Variants in PTPRG observed in about 807,000 individuals in gnomAD.
PTPRG encodes the protein receptor-type tyrosine-protein phosphatase gamma.
PTPRG carries 102 observed loss-of-function variants against 165.3 expected under a neutral mutation model. The observed-to-expected ratio is 0.62, with a 90% confidence interval of 0.53 to 0.73. The LOEUF is 0.73. PTPRG is among the 30% of genes least tolerant of loss of function. The pLI is 0.00. For synonymous variants in PTPRG, 675 were observed against 669.5 expected (o/e 1.01, Z -0.13); for missense variants, 1,866 against 1,861.4 (o/e 1.00, Z -0.05).
chr3:62,186,334 C>T (rs1015906591), intron 8 of PTPRG, among the ~76,000 whole-genome samples: 4 of 152,158 alleles, frequency 2.6e-5, no homozygotes, highest in Admixed American at 1.3e-4. Flanking sequence ...TCCCTCATTC[C>T]GTCAGAGAAA....
chr3:62,033,723 A>T lies in PTPRG; in HGVS notation c.519+30226A>T, dbSNP rs536137219. On this transcript the variant is annotated intron_variant, in intron 4 of 29. Coordinates refer to ENST00000474889, the MANE Select transcript of PTPRG (RefSeq NM_002841.4). ...AGAGGGAGAGAGTTTAGTAACAACT[A>T]CCATGACTACTCTTTTGAGGTTTCC... 4.6e-4 allele frequency among the ~76,000 whole-genome samples: 70 copies of T among 152,106 alleles called. 1 individual carries two copies. Among genetic ancestry groups the T allele is most frequent in the African/African-American group, 1.6e-3 (65 of 41,514 alleles).
At chr3:61,647,408 T>C (rs1702228062) in intron 1 of PTPRG, among the ~76,000 whole-genome samples, 1 of 152,224 alleles carries the variant, frequency 6.6e-6, no homozygotes, top group Admixed American at 6.5e-5. Context: ...ATACCATTGT[T>C]TCTCTAAAGA....
intron 5 of PTPRG, among the ~76,000 whole-genome samples, chr3:62,120,413 G>A (rs1254481926): frequency 6.6e-6 from 1 of 152,192 alleles, no homozygotes; most frequent in Non-Finnish European, 1.5e-5. Flanking sequence ...CTAGGTTTGG[G>A]GATTTAGTCT....
intron 6 of PTPRG, among the ~76,000 whole-genome samples, chr3:62,134,043 C>T (rs970928197): frequency 1.3e-5 from 2 of 152,104 alleles, no homozygotes; most frequent in Non-Finnish European, 2.9e-5. Context: ...TGGAAGGGTA[C>T]TAGCCCCATT....
intron 1 of PTPRG, among the ~76,000 whole-genome samples, chr3:61,601,984 C>T (rs1700881885): frequency 6.6e-6 from 1 of 152,198 alleles, no homozygotes; most frequent in African/African-American, 2.4e-5. Context: ...TTGCTGTCAA[C>T]CTTCAGCCAA....
chr3:61,756,217 T>C (rs758823722), intron 2 of PTPRG, among the ~76,000 whole-genome samples: 2 of 152,244 alleles, frequency 1.3e-5, no homozygotes, highest in Non-Finnish European at 2.9e-5. Context: ...TTAGAGTTCA[T>C]GCTCTTTGAA....
At chr3:61,934,250 C>A (rs1015465528) in intron 2 of PTPRG, among the ~76,000 whole-genome samples, 3 of 152,188 alleles carry the variant, frequency 2.0e-5, no homozygotes, top group African/African-American at 7.2e-5. Flanking sequence ...ACTGACACTG[C>A]ATATTCTGGT....
intron 1 of PTPRG, among the ~76,000 whole-genome samples, chr3:61,657,030 A>G (rs1330544175): frequency 6.6e-6 from 1 of 152,218 alleles, no homozygotes; most frequent in African/African-American, 2.4e-5. Context: ...AAGCATATTT[A>G]TTGAATATCA....
At chr3:61,581,858 C>A (rs56696131) in intron 1 of PTPRG, among the ~76,000 whole-genome samples, 2,085 of 152,280 alleles carry the variant, frequency 0.014, 48 homozygotes, top group African/African-American at 0.048. Context: ...GATCTGCTCA[C>A]CTCAGCCTCC....
intron 1 of PTPRG, among the ~76,000 whole-genome samples, chr3:61,638,112 G>A (rs1415451672): frequency 1.3e-5 from 2 of 152,112 alleles, no homozygotes; most frequent in Non-Finnish European, 2.9e-5. Context: ...TTTCCAAATC[G>A]TGGTACAAAG....
intron 2 of PTPRG, among the ~76,000 whole-genome samples, chr3:61,820,075 C>G (rs1286944990): frequency 6.6e-6 from 1 of 152,056 alleles, no homozygotes; most frequent in East Asian, 1.9e-4. Flanking sequence ...TGTTGAATCA[C>G]TCATTTGAAA....
intron 1 of PTPRG, among the ~76,000 whole-genome samples, chr3:61,710,027 G>A (rs537225428): frequency 2.0e-5 from 3 of 152,256 alleles, no homozygotes; most frequent in East Asian, 1.9e-4. Context: ...CAGTACTTCC[G>A]GGTGTTTGCC....
At chr3:62,078,812 T>C (rs994270257) in intron 5 of PTPRG, among the ~76,000 whole-genome samples, 1 of 152,220 alleles carries the variant, frequency 6.6e-6, no homozygotes, top group African/African-American at 2.4e-5. Context: ...TCAGTGTTGA[T>C]TCTGCACCTA....
At chr3:61,844,962 G>A (rs1439384991) in intron 2 of PTPRG, among the ~76,000 whole-genome samples, 2 of 152,180 alleles carry the variant, frequency 1.3e-5, no homozygotes, top group Non-Finnish European at 2.9e-5. Flanking sequence ...CTAGGGCAAG[G>A]CTATATCTGC....
chr3:61,622,682 C>T (rs1701497251), intron 1 of PTPRG, among the ~76,000 whole-genome samples: 1 of 152,056 alleles, frequency 6.6e-6, no homozygotes, highest in Non-Finnish European at 1.5e-5. Flanking sequence ...TAAAACTTTT[C>T]GTGTCTTTTG....
At chr3:62,159,190 C>T (rs775037082) in intron 7 of PTPRG, among the ~76,000 whole-genome samples, 15 of 151,834 alleles carry the variant, frequency 9.9e-5, no homozygotes, top group South Asian at 6.3e-4. Flanking sequence ...ATTATCCAGG[C>T]GTGGTGGCAC....
intron 2 of PTPRG, among the ~76,000 whole-genome samples, chr3:61,795,353 C>T (rs7621232): frequency 0.48 from 72,092 of 151,590 alleles, 17,763 homozygotes; most frequent in Middle Eastern, 0.66. Flanking sequence ...AAAAAGTAGG[C>T]GGGAATAGGC....
At chr3:61,942,145 G>A (rs1451881670) in intron 2 of PTPRG, among the ~76,000 whole-genome samples, 3 of 147,416 alleles carry the variant, frequency 2.0e-5, no homozygotes, top group East Asian at 2.0e-4. Flanking sequence ...GCAATAGGGC[G>A]AGACTCTGTC....
At chr3:61,874,225 C>CT (rs1422179593) in intron 2 of PTPRG, among the ~76,000 whole-genome samples, 3 of 152,140 alleles carry the variant, frequency 2.0e-5, no homozygotes, top group Non-Finnish European at 4.4e-5. Context: ...TTTTCTTTCT[C>CT]TTTTGTACCT....
Sources: gnomAD v4.1 joint callset for allele counts (sites outside exome capture counted in the v4.1 genomes callset) on GRCh38, gnomAD v4.1.1 for gene constraint, MANE v1.5 for transcripts, NCBI Gene and HGNC (gene_info 2026-07-23, HGNC 2026-07-21) for gene names.